The following CADM2 variants were observed in gnomAD, a reference collection of about 807,000 sequenced individuals.
The protein encoded by CADM2 is immunoglobulin superfamily member 4D.
In CADM2, 12 loss-of-function variants were observed where a neutral mutation model predicts 49.8. The observed-to-expected ratio is 0.24, with a 90% CI of 0.15 to 0.39. The LOEUF is 0.39. Among genes scored for constraint, CADM2 ranks in the 10% least tolerant of loss-of-function variants. The pLI, the probability that CADM2 is intolerant of heterozygous loss-of-function variation, is 1.00. For missense variants in CADM2, 378 were observed against 492.3 expected (o/e 0.77, Z 2.20); for synonymous variants, 214 against 175.4 (o/e 1.22, Z -1.74).
chr3:85,456,655 A>G (rs1314565373), intron 1 of CADM2, among the ~76,000 whole-genome samples: 1 of 152,048 alleles, frequency 6.6e-6, no homozygotes, highest in East Asian at 1.9e-4. Context: ...ATATAAATAA[A>G]TTTTACTTTG....
chr3:85,969,014 C>A (rs1476739647), intron 8 of CADM2, among the ~76,000 whole-genome samples: 1 of 151,580 alleles, frequency 6.6e-6, no homozygotes, highest in East Asian at 2.0e-4. Context: ...GAAGTTCCAT[C>A]AACGTTGCTT....
chr3:85,979,350 A>C (rs572070783), intron 8 of CADM2: 1 of 1,540,376 alleles, frequency 6.5e-7, no homozygotes, highest in Non-Finnish European at 8.8e-7. Flanking sequence ...AGTTTTTAGA[A>C]AGGTTAAAAA....
At chr3:85,214,642 G>C (rs1448458177) in intron 1 of CADM2, among the ~76,000 whole-genome samples, 1 of 151,832 alleles carries the variant, frequency 6.6e-6, no homozygotes, top group African/African-American at 2.4e-5. Flanking sequence ...CTATTCTACT[G>C]TGGCTGAGTT....
chr3:85,379,064 A>G (rs2033752560), intron 1 of CADM2, among the ~76,000 whole-genome samples: 1 of 151,938 alleles, frequency 6.6e-6, no homozygotes, highest in African/African-American at 2.4e-5. Context: ...AATAAGATGA[A>G]TGGCTAAAGT....
intron 1 of CADM2, among the ~76,000 whole-genome samples, chr3:85,070,939 A>G (rs1299763546): frequency 2.6e-5 from 4 of 151,844 alleles, no homozygotes; most frequent in African/African-American, 9.7e-5. Flanking sequence ...CAGTGAGCCG[A>G]GATCGCGCCA....
chr3:85,908,686 C>T (rs554306024), intron 5 of CADM2, among the ~76,000 whole-genome samples: 1 of 151,904 alleles, frequency 6.6e-6, no homozygotes, highest in South Asian at 2.1e-4. Flanking sequence ...CCTCTAATTA[C>T]TCTCCACTCA....
chr3:85,076,843 G>A (rs559782855), intron 1 of CADM2, among the ~76,000 whole-genome samples: 217 of 152,140 alleles, frequency 1.4e-3, no homozygotes, highest in African/African-American at 5.0e-3. Flanking sequence ...GTGGTGGCAG[G>A]CACCTGCAAT....
intron 8 of CADM2, among the ~76,000 whole-genome samples, chr3:85,970,231 T>C (rs975483007): frequency 2.0e-5 from 3 of 151,284 alleles, no homozygotes; most frequent in Non-Finnish European, 4.4e-5. Flanking sequence ...AATTAAAGAG[T>C]TATGCAATTG....
intron 1 of CADM2, among the ~76,000 whole-genome samples, chr3:85,299,463 A>G (rs2044042099): frequency 6.6e-6 from 1 of 152,108 alleles, no homozygotes; most frequent in Non-Finnish European, 1.5e-5. Context: ...TGGGGTTAAT[A>G]TATTAAATAT....
chr3:85,872,105 G>A (rs1459368528), intron 3 of CADM2, among the ~76,000 whole-genome samples: 1 of 152,220 alleles, frequency 6.6e-6, no homozygotes, highest in Non-Finnish European at 1.5e-5. Context: ...TAAGCTGGTT[G>A]TTGGGCTGCC....
At chr3:85,534,732 C>G (rs17516470) in intron 1 of CADM2, among the ~76,000 whole-genome samples, 77,924 of 152,008 alleles carry the variant, frequency 0.51, 23,052 homozygotes, top group East Asian at 0.85. Context: ...AGCTCTTGAC[C>G]TTTGTTTCCC....
At chr3:85,387,529 C>A (rs1203140877) in intron 1 of CADM2, among the ~76,000 whole-genome samples, 1 of 151,980 alleles carries the variant, frequency 6.6e-6, no homozygotes, top group African/African-American at 2.4e-5. Context: ...CTGATACTGA[C>A]AAATAAACAA....
intron 3 of CADM2, among the ~76,000 whole-genome samples, chr3:85,854,627 C>T (rs1448162189): frequency 6.6e-6 from 1 of 151,832 alleles, no homozygotes; most frequent in Admixed American, 6.6e-5. Context: ...CAGGGCCTGT[C>T]AGGGGTTGGG....
intron 6 of CADM2, among the ~76,000 whole-genome samples, chr3:85,922,069 C>T (rs1316909307): frequency 6.6e-6 from 1 of 152,072 alleles, no homozygotes; most frequent in Non-Finnish European, 1.5e-5. Flanking sequence ...GATTCTGCTG[C>T]TGCTGCAGAT....
chr3:85,145,789 C>G (rs1004836163), intron 1 of CADM2, among the ~76,000 whole-genome samples: 1 of 152,000 alleles, frequency 6.6e-6, no homozygotes, highest in Non-Finnish European at 1.5e-5. Flanking sequence ...AAAAATAGGA[C>G]TTTTCAAAAT....
chr3:86,010,327 TTG>T (rs1300851839), intron 8 of CADM2, among the ~76,000 whole-genome samples: 4 of 151,830 alleles, frequency 2.6e-5, no homozygotes, highest in Non-Finnish European at 1.5e-5. Flanking sequence ...AGGAGTAAAC[TTG>T]TTTGTTTGTT....
chr3:85,590,007 G>A (rs1232090932), intron 1 of CADM2, among the ~76,000 whole-genome samples: 1 of 151,916 alleles, frequency 6.6e-6, no homozygotes, highest in Non-Finnish European at 1.5e-5. Context: ...TATCTTAAGA[G>A]ACACTTTTGT....
rs541631513 is a variant in CADM2, at chr3:85,999,897, C to T, written c.970+38250C>T. Among the ~76,000 whole-genome samples the T allele has an allele frequency of 7.9e-5, 12 of 152,044 alleles. No homozygotes were observed. The South Asian group carries it at 1.0e-3, about 13-fold the overall frequency. On this transcript the variant is annotated intron_variant, in intron 8 of 9. Transcript: ENST00000383699. ...GAGATATAAAACAGATAGAGGACAA[C>T]GTAAATTCAGTTAACACTTTCAAAG...
chr3:85,286,202 G>A (rs1050132177), intron 1 of CADM2, among the ~76,000 whole-genome samples: 1 of 152,116 alleles, frequency 6.6e-6, no homozygotes, highest in Non-Finnish European at 1.5e-5. Flanking sequence ...GACCGGAGCT[G>A]ATCTAGCTGC....
Sources: gnomAD v4.1 joint callset for allele counts (sites outside exome capture counted in the v4.1 genomes callset) on GRCh38, gnomAD v4.1.1 for gene constraint, MANE v1.5 for transcripts, NCBI Gene and HGNC (gene_info 2026-07-23, HGNC 2026-07-21) for gene names.